BCAR3: variants seen among roughly 807,000 people sequenced by gnomAD.
BCAR3 encodes the protein BCAR3 adaptor protein, NSP family member, also known as breast cancer anti-estrogen resistance protein 3.
BCAR3 carries 37 observed loss-of-function variants against 80.1 expected under a neutral mutation model. The observed-to-expected ratio is 0.46, with a 90% confidence interval of 0.36 to 0.61. The LOEUF is 0.61. Among genes scored for constraint, BCAR3 ranks in the 20% least tolerant of loss-of-function variants. The probability of loss-of-function intolerance (pLI) is 0.00; values close to 1 mark genes in which losing one functional copy is unlikely to be tolerated. For missense variants in BCAR3, 978 were observed against 1,068.2 expected, an observed-to-expected ratio of 0.92 and a Z score of 1.18; for synonymous variants, 389 against 418.9, an observed-to-expected ratio of 0.93 and a Z score of 0.87.
intron 3 of BCAR3, among the ~76,000 whole-genome samples, chr1:93,639,186 G>C (rs911898651): frequency 2.6e-5 from 4 of 152,078 alleles, no homozygotes; most frequent in Admixed American, 2.0e-4. Flanking sequence ...CCGAGAAACC[G>C]GTCCCCTTTC....
chr1:93,808,667 GT>G (rs1653732903), intron 2 of BCAR3, among the ~76,000 whole-genome samples: 1 of 152,104 alleles, frequency 6.6e-6, no homozygotes, highest in Admixed American at 6.6e-5. Flanking sequence ...TTCTAGTTTT[GT>G]TTTGTTTTTG....
At chr1:93,795,561 A>AT (rs1427048502) in intron 2 of BCAR3, among the ~76,000 whole-genome samples, 1 of 1,218 alleles carries the variant, frequency 8.2e-4, no homozygotes. Flanking sequence ...ATTCTTCTAA[A>AT]TTTTTTTCAA....
intron 2 of BCAR3, among the ~76,000 whole-genome samples, chr1:93,754,931 C>T (rs892444810): frequency 2.0e-5 from 3 of 152,180 alleles, no homozygotes; most frequent in African/African-American, 7.2e-5. Context: ...TAGGAGAGGA[C>T]AGCTCCATGT....
chr1:93,657,856 A>T (rs548763049), intron 2 of BCAR3, among the ~76,000 whole-genome samples: 1 of 152,190 alleles, frequency 6.6e-6, no homozygotes, highest in African/African-American at 2.4e-5. Flanking sequence ...TCTGCCAAAA[A>T]CCTCAGCAAG....
At position 93,796,828 on chromosome 1, in the gene BCAR3, T is replaced by A. The variant is rs115695719; in HGVS notation, c.-63+48739A>T. The stretch of plus-strand genomic sequence containing the variant: ...GGGGACAGAACAATTCTTCCTGAAT[T>A]TGTTTGCAATCTAAAACTGAAATTG... On this transcript the variant is annotated intron_variant, in intron 2 of 13. Coordinates refer to the BCAR3 transcript ENST00000370244. 2.0e-3 allele frequency among the ~76,000 whole-genome samples: 303 copies of A among 152,324 alleles called. 1 individual carries two copies. Among genetic ancestry groups the A allele is most frequent in the African/African-American group, 6.9e-3 (287 of 41,566 alleles).
At chr1:93,840,789 C>T (rs1557706577) in intron 2 of BCAR3, among the ~76,000 whole-genome samples, 2 of 152,180 alleles carry the variant, frequency 1.3e-5, no homozygotes, top group South Asian at 4.1e-4. Flanking sequence ...GGATGTTTAG[C>T]TTTCAAGAGC....
intron 2 of BCAR3, among the ~76,000 whole-genome samples, chr1:93,822,550 C>T (rs1005009996): frequency 6.6e-6 from 1 of 151,910 alleles, no homozygotes; most frequent in Non-Finnish European, 1.5e-5. Flanking sequence ...TGTTGCCCAG[C>T]CTGGTCTCAA....
At chr1:93,611,943 G>T (rs1674962862) in intron 3 of BCAR3, among the ~76,000 whole-genome samples, 1 of 152,104 alleles carries the variant, frequency 6.6e-6, no homozygotes, top group Non-Finnish European at 1.5e-5. Context: ...TCAAGAATTG[G>T]AGCTTTATTT....
At chr1:93,656,486 ATAG>A in intron 2 of BCAR3, among the ~76,000 whole-genome samples, 2 of 152,016 alleles carry the variant, frequency 1.3e-5, no homozygotes, top group East Asian at 3.9e-4. Context: ...TCTAGAAATT[ATAG>A]TAGGTTCTTT....
rs11804027 is a variant in BCAR3, at chr1:93,634,489, C to T, written c.357+7815G>A. On this transcript the variant is annotated intron_variant, in intron 3 of 11. Transcript: ENST00000260502. ...GGTGGATCATTTGAGGTCAGGAGTG[C>T]GAGACCAGGCTGGCCAACGTGGCAA... Among the ~76,000 whole-genome samples the T allele has an allele frequency of 4.6e-3, 692 of 151,970 alleles. 9 individuals carry two copies. The highest frequency in any genetic ancestry group is 0.016 in the African/African-American group (664 of 41,458).
At chr1:93,809,977 G>T (rs867817358) in intron 2 of BCAR3, among the ~76,000 whole-genome samples, 7 of 151,976 alleles carry the variant, frequency 4.6e-5, no homozygotes, top group Middle Eastern at 3.4e-3. Context: ...AAGGCAGGTG[G>T]ATCACCTGAG....
At chr1:93,839,741 T>C (rs750138941) in intron 2 of BCAR3, among the ~76,000 whole-genome samples, 11 of 152,234 alleles carry the variant, frequency 7.2e-5, no homozygotes, top group Non-Finnish European at 1.3e-4. Flanking sequence ...AGATTGATTC[T>C]GAGCTTTTTG....
chr1:93,661,841 A>AT (rs1647677961), intron 2 of BCAR3, among the ~76,000 whole-genome samples: 1 of 152,186 alleles, frequency 6.6e-6, no homozygotes. Context: ...GCGCTTAAAT[A>AT]TTTTTGTTTC....
intron 2 of BCAR3, chr1:93,723,260 T>A (rs1650468713): frequency 6.6e-6 from 1 of 152,282 alleles, no homozygotes; most frequent in African/African-American, 2.4e-5. Flanking sequence ...CAGTGTCCTC[T>A]GGCCGAGCTG....
At chr1:93,635,810 T>G (rs1291978307) in intron 3 of BCAR3, among the ~76,000 whole-genome samples, 2 of 152,228 alleles carry the variant, frequency 1.3e-5, no homozygotes, top group Non-Finnish European at 2.9e-5. Context: ...CAGCGTGCCA[T>G]TGTTTTTGTA....
intron 3 of BCAR3, among the ~76,000 whole-genome samples, chr1:93,611,922 A>C (rs1674962273): frequency 6.6e-6 from 1 of 152,234 alleles, no homozygotes; most frequent in Non-Finnish European, 1.5e-5. Flanking sequence ...CAAGAGAAGC[A>C]GTATACATGG....
intron 3 of BCAR3, among the ~76,000 whole-genome samples, chr1:93,688,276 C>G (rs1376853757): frequency 6.6e-6 from 1 of 152,214 alleles, no homozygotes; most frequent in Admixed American, 6.5e-5. Context: ...AGATGAACTT[C>G]TTGACAACAT....
At chr1:93,625,267 T>C (rs1570982080) in intron 3 of BCAR3, among the ~76,000 whole-genome samples, 3 of 152,276 alleles carry the variant, frequency 2.0e-5, no homozygotes, top group East Asian at 3.9e-4. Flanking sequence ...GATTCCAAAC[T>C]GGGAGAGGCT....
At chr1:93,789,685 T>C (rs892800354) in intron 2 of BCAR3, among the ~76,000 whole-genome samples, 16 of 152,206 alleles carry the variant, frequency 1.1e-4, no homozygotes, top group Admixed American at 1.0e-3. Context: ...TACGCTATTG[T>C]TCACCCCTAC....
Sources: allele counts gnomAD v4.1 joint callset (sites outside exome capture counted in the v4.1 genomes callset), GRCh38; gene constraint gnomAD v4.1.1; transcripts MANE v1.5; gene names NCBI Gene and HGNC (gene_info 2026-07-23, HGNC 2026-07-21).